Variants in FAM120A observed in about 807,000 individuals in gnomAD.
FAM120A encodes constitutive coactivator of PPAR-gamma-like protein 1.
In FAM120A, 15 loss-of-function variants were observed where a neutral mutation model predicts 109.7. That is an observed-to-expected ratio of 0.14 (90% confidence interval 0.09 to 0.21). The LOEUF is 0.21. Ranked by LOEUF, FAM120A falls within the 10% of genes least tolerant of loss-of-function variation. The probability of loss-of-function intolerance (pLI) is 1.00; values close to 1 mark genes in which losing one functional copy is unlikely to be tolerated. For synonymous variants in FAM120A, 493 were observed against 572.8 expected, an observed-to-expected ratio of 0.86 and a Z score of 1.99; for missense variants, 899 against 1,439.3, an observed-to-expected ratio of 0.62 and a Z score of 6.07.
intron 5 of FAM120A, among the ~76,000 whole-genome samples, chr9:93,511,296 C>T (rs565070671): frequency 6.6e-6 from 1 of 152,232 alleles, no homozygotes; most frequent in Non-Finnish European, 1.5e-5. Context: ...CGGCCTCTGG[C>T]TCTTCCCTTG....
At chr9:93,457,282 T>C (rs1329311834) in intron 1 of FAM120A, among the ~76,000 whole-genome samples, 3 of 152,172 alleles carry the variant, frequency 2.0e-5, no homozygotes, top group African/African-American at 7.2e-5. Context: ...CTGGGTCATA[T>C]GGTAATTCTG....
At chr9:93,453,122 T>G (rs1015983979) in intron 1 of FAM120A, 1 of 1,011,488 alleles carries the variant, frequency 9.9e-7, no homozygotes, top group Non-Finnish European at 1.2e-6. Flanking sequence ...GCAGTTCGGT[T>G]TTGTAGATCC....
intron 7 of FAM120A, among the ~76,000 whole-genome samples, chr9:93,525,400 C>T (rs1218103066): frequency 6.6e-6 from 1 of 152,150 alleles, no homozygotes; most frequent in African/African-American, 2.4e-5. Flanking sequence ...TCTTACCCTC[C>T]AAGAGCCCCA....
chr9:93,490,850 G>A (rs890422840), intron 3 of FAM120A, among the ~76,000 whole-genome samples: 2 of 152,200 alleles, frequency 1.3e-5, no homozygotes, highest in African/African-American at 4.8e-5. Context: ...TGGCTCTAAA[G>A]CATCAAAGAT....
chr9:93,473,191 A>G (rs534539380), intron 2 of FAM120A, among the ~76,000 whole-genome samples: 43 of 151,746 alleles, frequency 2.8e-4, no homozygotes, highest in Non-Finnish European at 5.2e-4. Flanking sequence ...TAATTTTTAT[A>G]TTTTTAGTAG....
At position 93,565,020 on chromosome 9, in the gene FAM120A, C is replaced by A. The variant is rs1862589046; in HGVS notation, c.*480C>A. The A allele has an allele frequency of 2.0e-5, 3 of 152,616 alleles. No homozygotes were observed. The allele number at this position is 152,616 out of a possible 1,614,324, so 9.5% of individuals were successfully genotyped here. A position where few individuals can be genotyped will look rare whatever the true frequency, so the allele number is the denominator to read the frequency against. On this transcript the variant is annotated 3_prime_UTR_variant, in exon 18 of 18. Coordinates refer to ENST00000277165, the MANE Select transcript of FAM120A (RefSeq NM_014612.5). ...TTATGATTATGAAAGAAATAAGGCACAACCACAGTTTTTCTTTCTTAAATT... is the reference window on the plus strand; with the variant it reads ...TTATGATTATGAAAGAAATAAGGCAAAACCACAGTTTTTCTTTCTTAAATT...
At chr9:93,546,664 C>T (rs1861903536) in intron 11 of FAM120A, among the ~76,000 whole-genome samples, 1 of 152,226 alleles carries the variant, frequency 6.6e-6, no homozygotes, top group South Asian at 2.1e-4. Flanking sequence ...GGCCCTTTCT[C>T]AGCAGTGATC....
At chr9:93,490,947 A>G (rs537072316) in intron 3 of FAM120A, among the ~76,000 whole-genome samples, 29 of 152,342 alleles carry the variant, frequency 1.9e-4, no homozygotes, top group Admixed American at 6.5e-4. Flanking sequence ...CAGGGTTTCC[A>G]TGGACTTCTG....
chr9:93,535,512 A>G (rs1027014775), intron 10 of FAM120A, among the ~76,000 whole-genome samples: 2 of 152,192 alleles, frequency 1.3e-5, no homozygotes, highest in African/African-American at 4.8e-5. Context: ...ACAAATACAT[A>G]TTTATTTCTG....
intron 10 of FAM120A, among the ~76,000 whole-genome samples, chr9:93,534,421 AG>A (rs1402358746): frequency 6.6e-6 from 1 of 152,128 alleles, no homozygotes; most frequent in Non-Finnish European, 1.5e-5. Flanking sequence ...AGAAAAGACA[AG>A]AAGGGTTGGG....
chr9:93,453,381 T>A (rs1260640879), intron 1 of FAM120A: 1 of 985,380 alleles, frequency 1.0e-6, no homozygotes, highest in African/African-American at 1.7e-5. Context: ...GATCCTGGAC[T>A]TCACGTTCTG....
chr9:93,486,419 A>C (rs1380373872), intron 3 of FAM120A, among the ~76,000 whole-genome samples: 1 of 152,066 alleles, frequency 6.6e-6, no homozygotes, highest in Non-Finnish European at 1.5e-5. Flanking sequence ...ATTTGTGTAT[A>C]AGTTTTTATG....
chr9:93,468,793 T>C (rs1352874445), intron 1 of FAM120A, among the ~76,000 whole-genome samples: 1 of 152,230 alleles, frequency 6.6e-6, no homozygotes, highest in Admixed American at 6.5e-5. Flanking sequence ...ATTTAGTGAA[T>C]TAGTTTCTTA....
chr9:93,532,462 C>T lies in FAM120A; in HGVS notation c.1909+133C>T, dbSNP rs576403269. The T allele has an allele frequency of 3.7e-4, 342 of 928,050 alleles. 2 individuals are homozygous for T. In the African/African-American group the frequency reaches 4.1e-3, roughly 11 times the overall value. The allele number at this position is 928,050 out of a possible 1,614,324, so 57.5% of individuals were successfully genotyped here. A position where few individuals can be genotyped will look rare whatever the true frequency, so the allele number is the denominator to read the frequency against. ...TGTGTAAAGGAGGTGGGCCCATCAT[C>T]GGGGCAGTAGGCCAGGGTAAAGGCT... On this transcript the variant is annotated intron_variant, in intron 10 of 17. Transcript: ENST00000277165. This position sits in a 1 kb window ranked among gnomAD's most constrained non-coding sequence, Gnocchi z 4.3.
chr9:93,486,490 G>A (rs1004699461), intron 3 of FAM120A, among the ~76,000 whole-genome samples: 29 of 151,290 alleles, frequency 1.9e-4, no homozygotes, highest in Middle Eastern at 6.8e-3. Context: ...TCATGTAGTA[G>A]GTCTATGCTT....
intron 15 of FAM120A, among the ~76,000 whole-genome samples, chr9:93,560,437 T>C (rs80314899): frequency 0.058 from 8,883 of 152,318 alleles, 369 homozygotes; most frequent in African/African-American, 0.11. Context: ...TTGTTGTAGG[T>C]TTCTGTTGGA....
intron 5 of FAM120A, among the ~76,000 whole-genome samples, chr9:93,499,677 C>T (rs752990387): frequency 4.6e-5 from 7 of 152,166 alleles, no homozygotes; most frequent in Non-Finnish European, 1.0e-4. Flanking sequence ...TCATATTGAA[C>T]GTCTTGTGGA....
At chr9:93,511,674 G>A (rs1860328317) in intron 5 of FAM120A, among the ~76,000 whole-genome samples, 2 of 152,202 alleles carry the variant, frequency 1.3e-5, no homozygotes, top group African/African-American at 4.8e-5. Context: ...CCTTGTCTGT[G>A]TTTGCAAGCG....
intron 12 of FAM120A, among the ~76,000 whole-genome samples, chr9:93,551,390 T>C (rs1359166133): frequency 1.3e-5 from 2 of 152,226 alleles, no homozygotes; most frequent in African/African-American, 4.8e-5. Flanking sequence ...AATTGCTTTC[T>C]AATTTCCATA....
Sources: gnomAD v4.1 joint callset for allele counts (sites outside exome capture counted in the v4.1 genomes callset) on GRCh38, gnomAD v4.1.1 for gene constraint, Gnocchi (gnomAD v3.1) non-coding constraint, MANE v1.5 for transcripts, NCBI Gene and HGNC (gene_info 2026-07-23, HGNC 2026-07-21) for gene names.